PTPRE: variants seen among roughly 807,000 people sequenced by gnomAD.
PTPRE encodes the protein protein tyrosine phosphatase receptor type E, also known as receptor-type tyrosine-protein phosphatase epsilon.
PTPRE carries 51 observed loss-of-function variants against 102.0 expected under a neutral mutation model. The observed-to-expected ratio is 0.50, with a 90% CI of 0.40 to 0.63. The LOEUF (loss-of-function observed/expected upper bound fraction) is 0.63, where lower values mean the gene tolerates loss of function less well. Ranked by LOEUF, PTPRE falls within the 30% of genes least tolerant of loss-of-function variation. PTPRE has a pLI of 0.00. For missense variants in PTPRE, 752 were observed against 915.1 expected (o/e 0.82, Z 2.30); for synonymous variants, 345 against 348.2 (o/e 0.99, Z 0.10).
chr10:127,998,797 C>T (rs1453728523), intron 2 of PTPRE: 2 of 152,104 alleles, frequency 1.3e-5, no homozygotes, highest in Admixed American at 6.5e-5. Flanking sequence ...TCGCCGTATT[C>T]CCAGGGAGAC....
intron 1 of PTPRE, among the ~76,000 whole-genome samples, chr10:127,911,622 C>T (rs866310014): frequency 1.4e-4 from 22 of 152,202 alleles, no homozygotes; most frequent in African/African-American, 2.2e-4. Context: ...GCTGCACTTC[C>T]GCCCGATTTC....
At chr10:128,026,667 A>G (rs1162159973) in intron 2 of PTPRE, among the ~76,000 whole-genome samples, 1 of 152,164 alleles carries the variant, frequency 6.6e-6, no homozygotes, top group Non-Finnish European at 1.5e-5. Flanking sequence ...GTGATTTTAC[A>G]TTTAGACATA....
rs539269071 is a variant in PTPRE at position 128,028,539 on chromosome 10, A to G, written c.-7-12336A>G. On this transcript the variant is annotated intron_variant, in intron 2 of 20. Transcript: ENST00000254667. The surrounding 1 kb of genome is among the most constrained non-coding windows in gnomAD (Gnocchi z 4.5). ...CACCTGGCCCTGGCTCAGCCCCCCA[A>G]TGTGGACAGGTTGCAGAAGGCCACT... Among the ~76,000 whole-genome samples the G allele has an allele frequency of 3.3e-5, 5 of 152,150 alleles. No individual in the cohort carries two copies. Among genetic ancestry groups the G allele is most frequent in the South Asian group, 2.1e-4 (1 of 4,830 alleles).
At chr10:127,950,920 C>T (rs1848972407) in intron 1 of PTPRE, among the ~76,000 whole-genome samples, 1 of 151,910 alleles carries the variant, frequency 6.6e-6, no homozygotes, top group South Asian at 2.1e-4. Flanking sequence ...CACAGTGAAA[C>T]CCCATCTCTA....
intron 1 of PTPRE, among the ~76,000 whole-genome samples, chr10:127,915,544 G>A (rs1227593689): frequency 6.6e-6 from 1 of 152,178 alleles, no homozygotes; most frequent in Admixed American, 6.5e-5. Context: ...GTCATCTACT[G>A]GAGATGTTAT....
At chr10:128,074,997 A>C (rs1851109414) in intron 17 of PTPRE, among the ~76,000 whole-genome samples, 1 of 152,212 alleles carries the variant, frequency 6.6e-6, no homozygotes. Context: ...TTAAAATCAC[A>C]TCTGTTTATG....
intron 1 of PTPRE, among the ~76,000 whole-genome samples, chr10:127,921,183 C>T (rs191890604): frequency 1.3e-5 from 2 of 152,358 alleles, no homozygotes; most frequent in Admixed American, 6.5e-5. Flanking sequence ...TGAGGGTGCA[C>T]TTGCTGAGTG....
intron 1 of PTPRE, chr10:127,965,025 T>A (rs1320910739): frequency 2.2e-6 from 1 of 456,692 alleles, no homozygotes. Context: ...GTTTTAAGCA[T>A]CTTTTTTCCT....
At chr10:127,953,591 T>A (rs943216271) in intron 1 of PTPRE, among the ~76,000 whole-genome samples, 12 of 152,172 alleles carry the variant, frequency 7.9e-5, no homozygotes, top group African/African-American at 2.7e-4. Context: ...GAGGCATAAG[T>A]AAGTTACATG....
intron 2 of PTPRE, among the ~76,000 whole-genome samples, chr10:127,989,508 CCAGG>C (rs1347993019): frequency 5.9e-5 from 9 of 152,128 alleles, no homozygotes; most frequent in Non-Finnish European, 5.9e-5. Context: ...AAACAGAGAC[CCAGG>C]CAGGCTGGAT....
intron 1 of PTPRE, among the ~76,000 whole-genome samples, chr10:127,956,358 C>T (rs1770319541): frequency 6.6e-6 from 1 of 152,180 alleles, no homozygotes; most frequent in Admixed American, 6.5e-5. Context: ...ACCTTGCAAA[C>T]GGCTTCTCAA....
chr10:128,013,816 T>TTA (rs1845204594), intron 2 of PTPRE, among the ~76,000 whole-genome samples: 1 of 152,194 alleles, frequency 6.6e-6, no homozygotes, highest in African/African-American at 2.4e-5. Flanking sequence ...CTTCTGTTGT[T>TTA]TACCCAGTCT....
chr10:127,993,453 C>T (rs1033445068), intron 2 of PTPRE, among the ~76,000 whole-genome samples: 1 of 152,094 alleles, frequency 6.6e-6, no homozygotes, highest in Non-Finnish European at 1.5e-5. Context: ...CTGTCACAGA[C>T]GGGGATGGGG....
At chr10:128,060,370 G>A (rs1419954126) in intron 7 of PTPRE, among the ~76,000 whole-genome samples, 4 of 152,154 alleles carry the variant, frequency 2.6e-5, no homozygotes, top group Non-Finnish European at 4.4e-5. Context: ...TCTACCAGAC[G>A]CTCCTCACTG....
chr10:128,014,334 G>A (rs1222105268), intron 2 of PTPRE, among the ~76,000 whole-genome samples: 10 of 152,126 alleles, frequency 6.6e-5, no homozygotes, highest in Admixed American at 3.9e-4. Flanking sequence ...CCAAACAACC[G>A]GAGGAGCAGT....
chr10:127,956,891 G>GTCTT (rs1281002224), intron 1 of PTPRE, among the ~76,000 whole-genome samples: 6 of 151,960 alleles, frequency 3.9e-5, no homozygotes, highest in African/African-American at 1.4e-4. Flanking sequence ...GTCTGTTCTG[G>GTCTT]TCTTTGCCTG....
At chr10:128,072,433 A>G in intron 16 of PTPRE, 1 of 445,914 alleles carries the variant, frequency 2.2e-6, no homozygotes, top group Admixed American at 4.2e-5. Flanking sequence ...CGGGCAGATC[A>G]CTTGGGGTCA....
At chr10:128,022,134 T>G (rs925717371) in intron 2 of PTPRE, among the ~76,000 whole-genome samples, 1 of 152,138 alleles carries the variant, frequency 6.6e-6, no homozygotes, top group Non-Finnish European at 1.5e-5. Flanking sequence ...GAAGAGGTGG[T>G]CTTGACCTGA....
rs775667723 is a variant in PTPRE at position 128,070,494 on chromosome 10, A to G, written c.1293+44A>G. On this transcript the variant is annotated intron_variant, in intron 14 of 20. Transcript: ENST00000254667. This position sits in a 1 kb window ranked among gnomAD's most constrained non-coding sequence, Gnocchi z 4.8. ...CCTCTCCATCCTGGTGTAAGCAGCC[A>G]AGGGCACGAGGAAAACAGGTGACCA... 1.3e-6 allele frequency: 2 copies of G among 1,592,442 alleles called. No individual in the cohort carries two copies. The highest frequency in any genetic ancestry group is 2.3e-5 in the South Asian group (2 of 87,056).
Sources: allele counts gnomAD v4.1 joint callset (sites outside exome capture counted in the v4.1 genomes callset), GRCh38; gene constraint gnomAD v4.1.1; non-coding constraint Gnocchi (gnomAD v3.1); transcripts MANE v1.5; gene names NCBI Gene and HGNC (gene_info 2026-07-23, HGNC 2026-07-21).